The following SCAF4 variants were observed in gnomAD, a reference collection of about 807,000 sequenced individuals.
SCAF4 encodes SR-related and CTD-associated factor 4.
A neutral mutation model predicts 129.8 loss-of-function variants in SCAF4; 25 were observed. The ratio of observed to expected loss-of-function variants is 0.19; its 90% CI spans 0.14 to 0.27. The LOEUF (loss-of-function observed/expected upper bound fraction) is 0.27. Ranked by LOEUF, SCAF4 falls within the 10% of genes least tolerant of loss-of-function variation. SCAF4 has a pLI of 1.00. For missense variants in SCAF4, 1,246 were observed against 1,457.1 expected, an observed-to-expected ratio of 0.86 and a Z score of 2.36; for synonymous variants, 551 against 497.7, an observed-to-expected ratio of 1.11 and a Z score of -1.43.
chr21:31,691,714 G>A, intron 14 of SCAF4, 103 bp downstream of exon 14: 1 of 386,540 alleles, frequency 2.6e-6, no homozygotes, highest in Non-Finnish European at 4.6e-6. Context: ...ATGCCTCAGT[G>A]TTGAAAGTCA....
chr21:31,695,112 AACAATTTCCATATGT>A, intron 9 of SCAF4, 132 bp from the exon 10 acceptor site: 1 of 709,970 alleles, frequency 1.4e-6, no homozygotes, highest in Admixed American at 3.1e-5. Context: ...AACATTGTTT[AACAATTTCCATATGT>A]ACAATTTCCA....
intron 1 of SCAF4, among the ~76,000 whole-genome samples, chr21:31,710,389 A>G (rs894342263): frequency 6.6e-6 from 1 of 152,136 alleles, no homozygotes; most frequent in Non-Finnish European, 1.5e-5. Flanking sequence ...TCTCTACTAA[A>G]AATACAAAAA....
chr21:31,701,022 T>A lies in SCAF4; in HGVS notation c.750A>T (p.Pro250=). The change falls in exon 7 of 20, where the codon CCA becomes CCT. Residue 250 remains proline (P), a synonymous_variant. Transcript: ENST00000286835. ...QPSEQKAAFP[P]PEQKTAFDKK... Reference sequence around the variant, plus strand: ...TGTCAAATGCAGTTTTCTGTTCAGGTGGGGGGAAAGCAGCTTTTTGTTCAG... The same window carrying A: ...TGTCAAATGCAGTTTTCTGTTCAGGAGGGGGGAAAGCAGCTTTTTGTTCAG... The A allele has an allele frequency of 6.2e-7, 1 of 1,613,952 alleles. No homozygotes were observed. Among genetic ancestry groups the A allele is most frequent in the Non-Finnish European group, 8.5e-7 (1 of 1,179,974 alleles).
At chr21:31,725,042 T>C (rs555344578) in intron 1 of SCAF4, among the ~76,000 whole-genome samples, 9 of 152,174 alleles carry the variant, frequency 5.9e-5, no homozygotes, top group African/African-American at 2.2e-4. Context: ...GTCAAGAAAG[T>C]AGAGAAAGAA....
intron 1 of SCAF4, among the ~76,000 whole-genome samples, chr21:31,717,910 C>T (rs34501646): frequency 0.064 from 5,573 of 86,528 alleles, 382 homozygotes; most frequent in African/African-American, 0.17. Flanking sequence ...TATATACACA[C>T]ACACACACAC....
intron 3 of SCAF4, among the ~76,000 whole-genome samples, chr21:31,704,139 G>C (rs2050598655): frequency 1.3e-5 from 2 of 151,782 alleles, no homozygotes; most frequent in Non-Finnish European, 2.9e-5. Context: ...TGACCCCCAA[G>C]ATTTTACTCT....
intron 1 of SCAF4, among the ~76,000 whole-genome samples, chr21:31,722,128 A>G (rs1205912179): frequency 6.6e-6 from 1 of 152,192 alleles, no homozygotes; most frequent in Admixed American, 6.5e-5. Context: ...GCTGAGTTTT[A>G]ACAACATAAA....
At chr21:31,707,371 G>A (rs1236228817) in intron 1 of SCAF4, among the ~76,000 whole-genome samples, 1 of 152,056 alleles carries the variant, frequency 6.6e-6, no homozygotes, top group Non-Finnish European at 1.5e-5. Flanking sequence ...ACAAACAAAA[G>A]GGGAAAACCA....
intron 19 of SCAF4, among the ~76,000 whole-genome samples, chr21:31,680,212 A>G (rs911069865): frequency 1.3e-5 from 2 of 152,190 alleles, no homozygotes; most frequent in African/African-American, 4.8e-5. Context: ...AATGGAGACA[A>G]TGTGTTAAAA....
At chr21:31,703,526 C>A (rs2050583459) in intron 4 of SCAF4, among the ~76,000 whole-genome samples, 1 of 152,016 alleles carries the variant, frequency 6.6e-6, no homozygotes, top group African/African-American at 2.4e-5. Context: ...CTATTAAACT[C>A]TTTGATTCTA....
intron 1 of SCAF4, among the ~76,000 whole-genome samples, chr21:31,715,358 C>T (rs1377984709): frequency 2.6e-5 from 4 of 152,014 alleles, no homozygotes; most frequent in Non-Finnish European, 4.4e-5. Context: ...ATAATTAACC[C>T]GTCTCAACAT....
chr21:31,700,109 C>A (rs950779760), intron 7 of SCAF4, among the ~76,000 whole-genome samples: 2 of 151,878 alleles, frequency 1.3e-5, no homozygotes, highest in Middle Eastern at 3.2e-3. Context: ...TACAGGTGCA[C>A]ACCACCATAC....
chr21:31,690,043 T>C (rs1432515207), intron 15 of SCAF4, among the ~76,000 whole-genome samples: 2 of 152,208 alleles, frequency 1.3e-5, no homozygotes, highest in Non-Finnish European at 2.9e-5. Context: ...TTCTGTGATT[T>C]TCCCCCCTGC....
At chr21:31,704,420 C>T (rs2050605353) in intron 3 of SCAF4, among the ~76,000 whole-genome samples, 1 of 151,694 alleles carries the variant, frequency 6.6e-6, no homozygotes, top group Non-Finnish European at 1.5e-5. Flanking sequence ...AAACAGACAC[C>T]TATATATATT....
intron 1 of SCAF4, among the ~76,000 whole-genome samples, chr21:31,712,598 G>A (rs1375194951): frequency 7.0e-5 from 10 of 142,370 alleles, no homozygotes; most frequent in Non-Finnish European, 1.2e-4. Flanking sequence ...GCGCGATCTC[G>A]GCTCACTGCA....
At chr21:31,706,537 T>TCCCCACTGC (rs1422631495) in intron 1 of SCAF4, 180 bp from the exon 2 acceptor site, 2 of 577,118 alleles carry the variant, frequency 3.5e-6, no homozygotes, top group African/African-American at 3.8e-5. Flanking sequence ...GCACACACCC[T>TCCCCACTGC]CCCCACTGCC....
chr21:31,694,140 CTAATTT>C, intron 11 of SCAF4, 58 bp downstream of exon 11: 2 of 872,338 alleles, frequency 2.3e-6, no homozygotes, highest in Non-Finnish European at 3.7e-6. Flanking sequence ...ATAACCCAAT[CTAATTT>C]TAATTTCTAT....
intron 1 of SCAF4, among the ~76,000 whole-genome samples, chr21:31,712,218 G>A (rs2050815029): frequency 1.0e-5 from 1 of 95,952 alleles, no homozygotes; most frequent in South Asian, 4.4e-4. Flanking sequence ...CCATTTGTTT[G>A]TTGCTTTTTT....
chr21:31,715,328 G>A (rs755805964), intron 1 of SCAF4, among the ~76,000 whole-genome samples: 1 of 151,450 alleles, frequency 6.6e-6, no homozygotes, highest in Non-Finnish European at 1.5e-5. Flanking sequence ...ATTACACCGG[G>A]CCCACCCAGA....
Sources: gnomAD v4.1 joint callset for allele counts (sites outside exome capture counted in the v4.1 genomes callset) on GRCh38, gnomAD v4.1.1 for gene constraint, MANE v1.5 for transcripts, NCBI Gene and HGNC (gene_info 2026-07-23, HGNC 2026-07-21) for gene names.